Variants in RTTN observed in about 807,000 individuals in gnomAD.
The protein encoded by RTTN is rotatin.
Under a neutral mutation model 269.2 loss-of-function variants are expected in RTTN, and 182 were observed. The ratio of observed to expected loss-of-function variants is 0.68; its 90% CI spans 0.60 to 0.76. The LOEUF (loss-of-function observed/expected upper bound fraction) is 0.76. Among genes scored for constraint, RTTN ranks in the 30% least tolerant of loss-of-function variants. RTTN has a pLI of 0.00. For missense variants in RTTN, 2,545 were observed against 2,608.6 expected (o/e 0.98, Z 0.53); for synonymous variants, 1,006 against 963.5 (o/e 1.04, Z -0.82).
At chr18:70,067,286 A>G (rs1010535482) in intron 34 of RTTN, among the ~76,000 whole-genome samples, 1 of 151,800 alleles carries the variant, frequency 6.6e-6, no homozygotes, top group Non-Finnish European at 1.5e-5. Context: ...CAGCCTCCCG[A>G]GTAGCTGGGA....
intron 14 of RTTN, among the ~76,000 whole-genome samples, chr18:70,161,111 C>T (rs2060817454): frequency 1.3e-5 from 2 of 152,162 alleles, no homozygotes; most frequent in Non-Finnish European, 2.9e-5. Context: ...TATGGGGCTA[C>T]AGTAACCAAA....
intron 14 of RTTN, among the ~76,000 whole-genome samples, chr18:70,164,851 T>C (rs1012526514): frequency 1.3e-5 from 2 of 152,158 alleles, no homozygotes; most frequent in African/African-American, 2.4e-5. Flanking sequence ...AAATCATGTA[T>C]GCATGGAGAC....
At position 70,190,856 on chromosome 18, in the gene RTTN, G is replaced by A. The variant is rs115425050; in HGVS notation, c.1008-137C>T. ...GCTTCATTCAACTCTGGTCAGATTT[G>A]TAGAAACTTTGACAAATTTACGAAA... On this transcript the variant is annotated intron_variant, in intron 8 of 48. Coordinates refer to ENST00000640769, the MANE Select transcript of RTTN (RefSeq NM_173630.4). 2.6e-3 allele frequency: 1,471 copies of A among 563,522 alleles called. 16 individuals carry two copies. Among genetic ancestry groups the A allele is most frequent in the African/African-American group, 0.024 (1,276 of 53,246 alleles). 34.9% of individuals were successfully genotyped at this position (563,522 alleles called of 1,614,324 possible). A position where few individuals can be genotyped will look rare whatever the true frequency, so the allele number is the denominator to read the frequency against.
intron 14 of RTTN, among the ~76,000 whole-genome samples, chr18:70,159,255 A>C (rs896333410): frequency 1.3e-5 from 2 of 152,214 alleles, no homozygotes; most frequent in Admixed American, 1.3e-4. Flanking sequence ...GCCACAGTGC[A>C]ATAAAAATAG....
intron 40 of RTTN, among the ~76,000 whole-genome samples, chr18:70,038,294 G>A (rs1273820573): frequency 6.6e-6 from 1 of 152,154 alleles, no homozygotes; most frequent in Non-Finnish European, 1.5e-5. Flanking sequence ...ACTGCAGTGG[G>A]CTTGAGAGAA....
At chr18:70,075,562 A>G in intron 32 of RTTN, 21 bp from the exon 33 acceptor site, 1 of 1,529,472 alleles carries the variant, frequency 6.5e-7, no homozygotes, top group Non-Finnish European at 8.7e-7. Context: ...AGAGGGAAAG[A>G]AGGAGGAGAC....
In RTTN at chr18:70,176,671, T is replaced by G; in HGVS notation, c.1476+4A>C. 1 of 1,611,968 alleles carries G rather than the reference T, an allele frequency of 6.2e-7. No homozygotes were observed. Among genetic ancestry groups the G allele is most frequent in the South Asian group, 1.1e-5 (1 of 90,526 alleles). ...GTACAAATGAGCAGCATTGCCTGCC[T>G]TACCTTTTCAACAGGGAGAAGCGTT... is the stretch of plus-strand genomic sequence containing the variant. On this transcript the variant is annotated splice_donor_region_variant and intron_variant, in intron 11 of 48. Coordinates refer to ENST00000640769, the MANE Select transcript of RTTN (RefSeq NM_173630.4).
At chr18:70,138,393 T>A (rs772961279) in intron 21 of RTTN, 1 of 152,144 alleles carries the variant, frequency 6.6e-6, no homozygotes, top group South Asian at 2.1e-4. Flanking sequence ...AGCAATGAAA[T>A]AGAAAAACTG....
intron 26 of RTTN, among the ~76,000 whole-genome samples, chr18:70,120,032 G>A (rs2059695674): frequency 6.6e-6 from 1 of 152,170 alleles, no homozygotes; most frequent in African/African-American, 2.4e-5. Context: ...GTATTGAGAG[G>A]TGGGGCCTTT....
chr18:70,146,958 T>C (rs1042818411), intron 17 of RTTN, among the ~76,000 whole-genome samples: 35 of 152,226 alleles, frequency 2.3e-4, no homozygotes, highest in Non-Finnish European at 4.0e-4. Flanking sequence ...AACACCTACC[T>C]AATAGTTTTC....
Position 70,006,379 on chromosome 18 carries a change from AC to A in RTTN, c.6525+1del. ...GGTGTAACAATGATTTTTAAAACTG[AC>A]CTTCTGATAATTGTAAATCAGAGCC... On this transcript the variant is annotated splice_donor_variant, in intron 47 of 48. Coordinates refer to ENST00000640769, the MANE Select transcript of RTTN (RefSeq NM_173630.4). LOFTEE classifies it high-confidence loss of function. The A allele has an allele frequency of 1.2e-6, 2 of 1,609,358 alleles. No individual in the cohort carries two copies. The highest frequency in any genetic ancestry group is 8.5e-7 in the Non-Finnish European group (1 of 1,175,750).
At position 70,059,684 on chromosome 18, in the gene RTTN, A is replaced by AACC. The variant is rs1424371946; in HGVS notation, c.4940+163_4940+165dup. Among the ~76,000 whole-genome samples the AACC allele has an allele frequency of 2.6e-5, 4 of 152,210 alleles. No individual in the cohort carries two copies. The East Asian group carries it at 7.7e-4, about 29-fold the overall frequency. ...AGTGCTTTAATAGATGTAAAATAAA[A>AACC]ACCACCAAGACAATTCTGGCAAAAG... On this transcript the variant is annotated intron_variant, in intron 36 of 48. Coordinates refer to ENST00000640769, the MANE Select transcript of RTTN (RefSeq NM_173630.4).
At chr18:70,031,575 T>C (rs148817828) in intron 40 of RTTN, among the ~76,000 whole-genome samples, 18 of 152,150 alleles carry the variant, frequency 1.2e-4, no homozygotes, top group African/African-American at 4.3e-4. Context: ...ATTTCCTTTA[T>C]ACATTTAAAT....
intron 32 of RTTN, among the ~76,000 whole-genome samples, chr18:70,078,034 G>A (rs994268573): frequency 5.9e-5 from 9 of 151,600 alleles, no homozygotes; most frequent in African/African-American, 1.5e-4. Flanking sequence ...AGATTTGTCA[G>A]AGCCAAAAAA....
chr18:70,087,629 T>G (rs1002410770), intron 31 of RTTN, among the ~76,000 whole-genome samples: 6 of 152,150 alleles, frequency 3.9e-5, no homozygotes, highest in African/African-American at 1.4e-4. Flanking sequence ...TGATAAATAC[T>G]ACAAAGAGTT....
chr18:70,019,505 T>C (rs1281836437), intron 45 of RTTN: 1 of 152,202 alleles, frequency 6.6e-6, no homozygotes, highest in African/African-American at 2.4e-5. Context: ...TATATACATA[T>C]ATGACATACA....
At chr18:70,158,728 A>C (rs964826590) in intron 14 of RTTN, among the ~76,000 whole-genome samples, 1 of 152,230 alleles carries the variant, frequency 6.6e-6, no homozygotes, top group Non-Finnish European at 1.5e-5. Context: ...CCACATGCTC[A>C]AAGTAATAGA....
chr18:70,048,264 A>C, intron 39 of RTTN, 76 bp from the exon 40 acceptor site: 1 of 1,320,092 alleles, frequency 7.6e-7, no homozygotes. Flanking sequence ...AGTTGATTTT[A>C]AAGTAACTAT....
intron 40 of RTTN, among the ~76,000 whole-genome samples, chr18:70,046,244 G>T (rs985445047): frequency 6.6e-6 from 1 of 152,106 alleles, no homozygotes; most frequent in African/African-American, 2.4e-5. Flanking sequence ...AGGAGGATTG[G>T]TTGCAGGACA....
Sources: gnomAD v4.1 joint callset for allele counts (sites outside exome capture counted in the v4.1 genomes callset) on GRCh38, gnomAD v4.1.1 for gene constraint, MANE v1.5 for transcripts, NCBI Gene and HGNC (gene_info 2026-07-23, HGNC 2026-07-21) for gene names.